Variants in AAK1 observed in about 807,000 individuals in gnomAD.
AAK1 encodes AP2-associated protein kinase 1.
Under a neutral mutation model 116.0 loss-of-function variants are expected in AAK1, and 37 were observed. The observed-to-expected ratio is 0.32, with a 90% CI of 0.25 to 0.42. The LOEUF (loss-of-function observed/expected upper bound fraction) is 0.42, where lower values mean the gene tolerates loss of function less well. Among genes scored for constraint, AAK1 ranks in the 10% least tolerant of loss-of-function variants. The pLI, the probability that AAK1 is intolerant of heterozygous loss-of-function variation, is 1.00. For synonymous variants in AAK1, 458 were observed against 439.9 expected, an observed-to-expected ratio of 1.04 and a Z score of -0.51; for missense variants, 919 against 1,170.6, an observed-to-expected ratio of 0.79 and a Z score of 3.14.
At chr2:69,587,339 GCA>G (rs565606288) in intron 2 of AAK1, among the ~76,000 whole-genome samples, 308 of 148,056 alleles carry the variant, frequency 2.1e-3, no homozygotes, top group Admixed American at 4.0e-3. Flanking sequence ...ACATATGCGT[GCA>G]CACACACATA....
chr2:69,529,453 G>C (rs1020283236), intron 8 of AAK1, among the ~76,000 whole-genome samples: 2 of 151,726 alleles, frequency 1.3e-5, no homozygotes, highest in African/African-American at 4.8e-5. Context: ...ATGAATGTTA[G>C]TACATATGCT....
intron 2 of AAK1, among the ~76,000 whole-genome samples, chr2:69,599,797 A>C (rs1454532894): frequency 6.6e-6 from 1 of 152,136 alleles, no homozygotes; most frequent in East Asian, 1.9e-4. Context: ...TGTTGTTTTG[A>C]AACGGGGTCT....
intron 6 of AAK1, 95 bp from the exon 7 acceptor site, chr2:69,530,801 G>A: frequency 1.1e-6 from 1 of 873,200 alleles, no homozygotes; most frequent in Non-Finnish European, 1.8e-6. Flanking sequence ...TACATTAACA[G>A]AATCCCTGGG....
At chr2:69,574,022 TC>T in intron 2 of AAK1, among the ~76,000 whole-genome samples, 1 of 149,930 alleles carries the variant, frequency 6.7e-6, no homozygotes, top group South Asian at 2.1e-4. Context: ...AAAAATAAAG[TC>T]AAGACAAAAA....
Position 69,544,469 on chromosome 2 carries a change from A to G in AAK1, c.358T>C (p.Trp120Arg). ...AAGTCCATCAGAATGAGCACTTCCC[A>G]TACATCACCGCTACTCACGTTGTTG... ...SINNVSSGDVWEVLILMDFCR... is the reference protein window; with the variant it reads ...SINNVSSGDVREVLILMDFCR... The change falls in exon 4 of 22, where the codon TGG becomes CGG. Residue 120 changes from tryptophan (W) to arginine (R), a missense_variant. Transcript: ENST00000409085. The G allele has an allele frequency of 6.2e-7, 1 of 1,613,796 alleles. No homozygotes were observed. The highest frequency in any genetic ancestry group is 8.5e-7 in the Non-Finnish European group (1 of 1,179,738).
At chr2:69,525,909 G>A (rs1239773181) in intron 9 of AAK1, among the ~76,000 whole-genome samples, 1 of 152,180 alleles carries the variant, frequency 6.6e-6, no homozygotes, top group Non-Finnish European at 1.5e-5. Context: ...TTTGGTTACT[G>A]CACAGTATCC....
Position 69,480,981 on chromosome 2 carries a change from A to G in AAK1, c.2468-20T>C, listed in dbSNP as rs200586173. On this transcript the variant is annotated intron_variant, in intron 18 of 21. Coordinates refer to ENST00000409085, the MANE Select transcript of AAK1 (RefSeq NM_014911.5). ...CTTTTTCTTTCGTAACAGAGCATTA[A>G]GAAGAGGAAAGGGTAAGGGAAAGGG... is the stretch of plus-strand genomic sequence containing the variant. 2 of 1,567,736 alleles carry G rather than the reference A, an allele frequency of 1.3e-6. No individual in the cohort carries two copies. The highest frequency in any genetic ancestry group is 3.6e-5 in the Admixed American group (2 of 55,006).
At chr2:69,551,463 T>G (rs969773488) in intron 3 of AAK1, among the ~76,000 whole-genome samples, 1 of 152,246 alleles carries the variant, frequency 6.6e-6, no homozygotes, top group South Asian at 2.1e-4. Flanking sequence ...AGCTTCCTAC[T>G]GTACAGGATC....
At chr2:69,538,497 C>G (rs1350492052) in intron 5 of AAK1, among the ~76,000 whole-genome samples, 1 of 152,242 alleles carries the variant, frequency 6.6e-6, no homozygotes, top group Non-Finnish European at 1.5e-5. Context: ...GCAGTGCTAT[C>G]CTGGTAACTA....
In AAK1 at chr2:69,474,030, T is replaced by G. The variant is rs899061187; in HGVS notation, c.*1839A>C. The G allele has an allele frequency of 3.0e-6, 3 of 985,760 alleles. No homozygotes were observed. The allele number at this position is 985,760 out of a possible 1,614,324, so 61.1% of individuals were successfully genotyped here. A position where few individuals can be genotyped will look rare whatever the true frequency, so the allele number is the denominator to read the frequency against. On this transcript the variant is annotated 3_prime_UTR_variant, in exon 22 of 22. Coordinates refer to ENST00000409085, the MANE Select transcript of AAK1 (RefSeq NM_014911.5). ...CTAGAGGCCTTTACCTAGCTCATCT[T>G]GTTTCAGCCAGCACGGGAAGTATTT... is the stretch of plus-strand genomic sequence containing the variant.
Position 69,542,682 on chromosome 2 carries a change from A to G in AAK1, c.392-17T>C, listed in dbSNP as rs747486194. The stretch of plus-strand genomic sequence containing the variant: ...CCTGGCCACCTGAGGGGGTACGTAC[A>G]GGGCAAAGGAGACGTTATAAACATT... On this transcript the variant is annotated splice_polypyrimidine_tract_variant and intron_variant, in intron 4 of 21. Coordinates refer to ENST00000409085, the MANE Select transcript of AAK1 (RefSeq NM_014911.5). 5.6e-6 allele frequency: 9 copies of G among 1,611,384 alleles called. No individual in the cohort carries two copies. The highest frequency in any genetic ancestry group is 7.6e-6 in the Non-Finnish European group (9 of 1,179,146).
intron 12 of AAK1, among the ~76,000 whole-genome samples, chr2:69,517,310 C>A (rs774529597): frequency 9.2e-5 from 14 of 152,066 alleles, no homozygotes; most frequent in Non-Finnish European, 1.3e-4. Context: ...AACGTCCAGC[C>A]CTCAAATGAA....
intron 17 of AAK1, among the ~76,000 whole-genome samples, chr2:69,485,383 C>G: frequency 6.6e-6 from 1 of 152,182 alleles, no homozygotes; most frequent in South Asian, 2.1e-4. Context: ...ACATTATCTC[C>G]TCATCTGTAA....
At chr2:69,582,368 T>C (rs1672582166) in intron 2 of AAK1, among the ~76,000 whole-genome samples, 1 of 151,808 alleles carries the variant, frequency 6.6e-6, no homozygotes, top group African/African-American at 2.4e-5. Context: ...AAAACCTCCG[T>C]GTGTGCGTGT....
chr2:69,480,282 A>T (rs1169031865), intron 19 of AAK1, among the ~76,000 whole-genome samples: 1 of 151,736 alleles, frequency 6.6e-6, no homozygotes, highest in Non-Finnish European at 1.5e-5. Context: ...AAAAAGAAGA[A>T]GGTTACCAAA....
At chr2:69,637,966 C>A (rs1260292652) in intron 2 of AAK1, among the ~76,000 whole-genome samples, 1 of 152,174 alleles carries the variant, frequency 6.6e-6, no homozygotes, top group Non-Finnish European at 1.5e-5. Context: ...AAGAGTTTGA[C>A]CATGGCAATT....
At chr2:69,491,269 G>A (rs936567517) in intron 17 of AAK1, among the ~76,000 whole-genome samples, 3 of 151,994 alleles carry the variant, frequency 2.0e-5, no homozygotes, top group Admixed American at 6.6e-5. Context: ...TAAAATGCTG[G>A]TACTACTTAT....
chr2:69,572,088 C>A (rs1051897300), intron 2 of AAK1, among the ~76,000 whole-genome samples: 3 of 152,176 alleles, frequency 2.0e-5, no homozygotes, highest in Non-Finnish European at 2.9e-5. Context: ...AGGAGCATGC[C>A]AGCACCAACT....
At chr2:69,598,003 C>T (rs1292633101) in intron 2 of AAK1, 2 of 346,132 alleles carry the variant, frequency 5.8e-6, no homozygotes, top group Non-Finnish European at 1.0e-5. Flanking sequence ...GAGATTCTTA[C>T]GTTATGTCTG....
Sources: gnomAD v4.1 joint callset for allele counts (sites outside exome capture counted in the v4.1 genomes callset) on GRCh38, gnomAD v4.1.1 for gene constraint, MANE v1.5 for transcripts, NCBI Gene and HGNC (gene_info 2026-07-23, HGNC 2026-07-21) for gene names.